The following KIF11 variants were observed in gnomAD, a reference collection of about 807,000 sequenced individuals.
KIF11 encodes kinesin family member 11.
In KIF11, 9 loss-of-function variants were observed where a neutral mutation model predicts 121.0. That is an observed-to-expected ratio of 0.07 (90% confidence interval 0.04 to 0.13). The LOEUF is 0.13. KIF11 is among the 10% of genes least tolerant of loss of function. The pLI is 1.00. For synonymous variants in KIF11, 408 were observed against 421.0 expected, an observed-to-expected ratio of 0.97 and a Z score of 0.38; for missense variants, 846 against 1,217.5, an observed-to-expected ratio of 0.69 and a Z score of 4.54.
chr10:92,596,002 TTTG>T (rs1004978096), intron 1 of KIF11, among the ~76,000 whole-genome samples: 6 of 152,160 alleles, frequency 3.9e-5, no homozygotes, highest in East Asian at 1.9e-4. Flanking sequence ...TACTTCTTTT[TTTG>T]TTGTTGTTGT....
chr10:92,617,376 A>G (rs1165999567), intron 9 of KIF11, among the ~76,000 whole-genome samples: 1 of 152,220 alleles, frequency 6.6e-6, no homozygotes, highest in Non-Finnish European at 1.5e-5. Context: ...TTGGGGTTCC[A>G]CTTATAACAT....
rs757150537 is a variant in KIF11 at position 92,628,940 on chromosome 10, T to C, written c.1305+45T>C. ...TTTACTGTTATGTGAAAAGCAAATA[T>C]TGAAAGAAAATTTTAGAATGAAAGA... is the stretch of plus-strand genomic sequence containing the variant. On this transcript the variant is annotated intron_variant, in intron 11 of 21. Coordinates refer to ENST00000260731, the MANE Select transcript of KIF11 (RefSeq NM_004523.4). 5 of 1,052,756 alleles carry C rather than the reference T, an allele frequency of 4.7e-6. No individual in the cohort carries two copies. In the South Asian group the frequency reaches 5.8e-5, roughly 12 times the overall value. 65.2% of individuals were successfully genotyped at this position (1,052,756 alleles called of 1,614,324 possible).
rs759025713 is a variant in KIF11, at chr10:92,632,635, A to G, written c.1644A>G (p.Leu548=). 2 of 1,613,438 alleles carry G rather than the reference A, an allele frequency of 1.2e-6. No individual in the cohort carries two copies. The highest frequency in any genetic ancestry group is 8.5e-7 in the Non-Finnish European group (1 of 1,179,678). ...GTCTGTTTAATAATATGGAAGAATT[A>G]ATTAAGGATGGCAGCTCAAAGCAAA... ...LNSLFNNMEE[L]IKDGSSKQKA... is the part of the protein sequence containing the mutation. The change falls in exon 13 of 22, where the codon TTA becomes TTG. Residue 548 remains leucine, a synonymous_variant. Coordinates refer to ENST00000260731, the MANE Select transcript of KIF11 (RefSeq NM_004523.4).
intron 6 of KIF11, among the ~76,000 whole-genome samples, chr10:92,611,536 T>A (rs1313226272): frequency 6.6e-6 from 1 of 152,112 alleles, no homozygotes; most frequent in Non-Finnish European, 1.5e-5. Flanking sequence ...AGATCTATAG[T>A]TTACATTTAT....
At chr10:92,622,833 A>G (rs1589598146) in intron 10 of KIF11, among the ~76,000 whole-genome samples, 1 of 151,348 alleles carries the variant, frequency 6.6e-6, no homozygotes, top group South Asian at 2.1e-4. Context: ...AGGCTTCAGG[A>G]AACTTACAAT....
chr10:92,621,584 A>C (rs1844617943), intron 10 of KIF11, 111 bp downstream of exon 10: 1 of 597,224 alleles, frequency 1.7e-6, no homozygotes, highest in African/African-American at 3.2e-5. Context: ...CAGTGCCGAT[A>C]AATACTTCAT....
At chr10:92,602,469 T>C (rs1844382455) in intron 1 of KIF11, among the ~76,000 whole-genome samples, 1 of 152,188 alleles carries the variant, frequency 6.6e-6, no homozygotes, top group Non-Finnish European at 1.5e-5. Flanking sequence ...GAATTTCCAT[T>C]TCTTTGTGAT....
intron 10 of KIF11, among the ~76,000 whole-genome samples, chr10:92,624,751 T>C (rs965455231): frequency 7.8e-5 from 7 of 89,664 alleles, no homozygotes; most frequent in East Asian, 6.5e-4. Flanking sequence ...CTGGCTCAAA[T>C]AGTATTTCTG....
At chr10:92,630,815 C>A (rs981331755) in intron 12 of KIF11, among the ~76,000 whole-genome samples, 2 of 133,546 alleles carry the variant, frequency 1.5e-5, no homozygotes, top group African/African-American at 5.9e-5. Flanking sequence ...TGCGGTGAGC[C>A]GAAATCACAC....
At chr10:92,630,574 A>C (rs1256190099) in intron 12 of KIF11, among the ~76,000 whole-genome samples, 1 of 152,246 alleles carries the variant, frequency 6.6e-6, no homozygotes, top group Non-Finnish European at 1.5e-5. Context: ...TTTTGAAAAT[A>C]GAACATAACT....
At chr10:92,630,882 A>AC (rs200597305) in intron 12 of KIF11, among the ~76,000 whole-genome samples, 2,951 of 150,898 alleles carry the variant, frequency 0.02, 46 homozygotes, top group Admixed American at 0.047. Flanking sequence ...AAAAAAAAAA[A>AC]AAAGAAAATA....
intron 1 of KIF11, among the ~76,000 whole-genome samples, chr10:92,600,782 G>C (rs1326185111): frequency 6.6e-6 from 1 of 151,986 alleles, no homozygotes; most frequent in African/African-American, 2.4e-5. Flanking sequence ...TTATAGGTGT[G>C]AGCCACCACG....
chr10:92,614,416 ATAATG>A (rs1844531856), intron 8 of KIF11, among the ~76,000 whole-genome samples: 1 of 152,154 alleles, frequency 6.6e-6, no homozygotes, highest in African/African-American at 2.4e-5. Context: ...ATTCTATGCT[ATAATG>A]TAAAAGAATC....
At position 92,633,881 on chromosome 10, in the gene KIF11, C is replaced by G. The variant is rs568795731; in HGVS notation, c.1875+86C>G. 5 of 868,824 alleles carry G rather than the reference C, an allele frequency of 5.8e-6. No homozygotes were observed. In the African/African-American group the frequency reaches 8.4e-5, roughly 15 times the overall value. 53.8% of individuals were successfully genotyped at this position (868,824 alleles called of 1,614,324 possible). ...TTTTGAAGGGTTACATTTGATAAGT[C>G]TTTATAAACAATGTTAACTGCTATT... is the stretch of plus-strand genomic sequence containing the variant. On this transcript the variant is annotated intron_variant, in intron 14 of 21. Transcript: ENST00000260731.
At chr10:92,643,800 C>A (rs1844891789) in intron 17 of KIF11, among the ~76,000 whole-genome samples, 1 of 152,040 alleles carries the variant, frequency 6.6e-6, no homozygotes, top group Non-Finnish European at 1.5e-5. Context: ...TTGTGATTGC[C>A]CGCCTCAGAA....
intron 1 of KIF11, 48 bp downstream of exon 1, chr10:92,593,500 G>A: frequency 6.5e-7 from 1 of 1,532,716 alleles, no homozygotes; most frequent in Non-Finnish European, 8.9e-7. Flanking sequence ...TTCGCTGCTG[G>A]GCCCCCTACT....
chr10:92,637,366 C>T lies in KIF11; in HGVS notation c.2002-21C>T, dbSNP rs1024931714. ...ATTGATGTGTTGTTTAAGAAGGAAACTCATTTTTGTTTCTTCAAAGATAGA... is the reference window on the plus strand; with the variant it reads ...ATTGATGTGTTGTTTAAGAAGGAAATTCATTTTTGTTTCTTCAAAGATAGA... On this transcript the variant is annotated intron_variant, in intron 15 of 21. Coordinates refer to ENST00000260731, the MANE Select transcript of KIF11 (RefSeq NM_004523.4). 1.7e-5 allele frequency: 27 copies of T among 1,577,224 alleles called. 1 individual carries two copies. The highest frequency in any genetic ancestry group is 1.1e-4 in the East Asian group (5 of 44,090).
intron 9 of KIF11, 117 bp downstream of exon 9, chr10:92,616,949 T>TA: frequency 1.8e-6 from 1 of 568,526 alleles, no homozygotes; most frequent in Non-Finnish European, 3.1e-6. Context: ...GAAGGCTTTT[T>TA]ATATAGTGAT....
chr10:92,595,643 A>ATTAC (rs1232982491), intron 1 of KIF11, among the ~76,000 whole-genome samples: 3 of 152,170 alleles, frequency 2.0e-5, no homozygotes, highest in African/African-American at 7.2e-5. Context: ...TAAATACATA[A>ATTAC]TATTCTGCAA....
Sources: gnomAD v4.1 joint callset for allele counts (sites outside exome capture counted in the v4.1 genomes callset) on GRCh38, gnomAD v4.1.1 for gene constraint, MANE v1.5 for transcripts, NCBI Gene and HGNC (gene_info 2026-07-23, HGNC 2026-07-21) for gene names.